Variants in CELF2 observed in about 807,000 individuals in gnomAD.
CELF2 encodes the protein CUG triplet repeat RNA-binding protein 2.
In CELF2, 8 loss-of-function variants were observed where a neutral mutation model predicts 62.6. The observed-to-expected ratio is 0.13, with a 90% CI of 0.07 to 0.23. CELF2 has a LOEUF of 0.23. CELF2 is among the 10% of genes least tolerant of loss of function. CELF2 has a pLI of 1.00. For missense variants in CELF2, 333 were observed against 671.0 expected (o/e 0.50, Z 5.56); for synonymous variants, 258 against 250.0 (o/e 1.03, Z -0.30).
chr10:11,091,030 A>G (rs2048174367), intron 1 of CELF2, among the ~76,000 whole-genome samples: 1 of 152,244 alleles, frequency 6.6e-6, no homozygotes, highest in Non-Finnish European at 1.5e-5. Flanking sequence ...GTTCAAGATC[A>G]TGTGTAGACT....
the CELF2 span, among the ~76,000 whole-genome samples, chr10:10,514,196 A>G: frequency 3.2e-4 from 49 of 152,372 alleles, no homozygotes; most frequent in South Asian, 1.2e-3. Flanking sequence ...CAAACACTGT[A>G]GAATGAGAGA....
the CELF2 span, among the ~76,000 whole-genome samples, chr10:10,687,308 G>A: frequency 6.6e-6 from 1 of 152,186 alleles, no homozygotes; most frequent in Non-Finnish European, 1.5e-5. Context: ...GCTCACTTGA[G>A]AGATGAATTT....
the CELF2 span, among the ~76,000 whole-genome samples, chr10:10,535,257 G>T: frequency 6.6e-6 from 1 of 152,196 alleles, no homozygotes; most frequent in Non-Finnish European, 1.5e-5. Flanking sequence ...CTTGGGAACA[G>T]GATGAACACC....
intron 8 of CELF2, among the ~76,000 whole-genome samples, chr10:11,288,200 T>C (rs1156282908): frequency 6.6e-6 from 1 of 152,206 alleles, no homozygotes; most frequent in East Asian, 1.9e-4. Context: ...TTTCTGGGTA[T>C]GTGGTCTCTA....
intron 1 of CELF2, among the ~76,000 whole-genome samples, chr10:10,909,578 T>C (rs542947983): frequency 4.4e-4 from 67 of 152,328 alleles, no homozygotes; most frequent in Middle Eastern, 3.4e-3. Context: ...GCTTTTGTGT[T>C]TTCATTTCTC....
At chr10:10,850,090 A>G (rs2059289740) in intron 1 of CELF2, among the ~76,000 whole-genome samples, 2 of 152,332 alleles carry the variant, frequency 1.3e-5, no homozygotes, top group Admixed American at 6.5e-5. Flanking sequence ...CGGAGATTGC[A>G]GTGAGCTGAG....
Position 10,996,306 on chromosome 10 carries a change from A to AT in CELF2, c.89+76309dup, listed in dbSNP as rs540235976. On this transcript the variant is annotated intron_variant, in intron 2 of 13. Coordinates refer to the CELF2 transcript ENST00000636488. ...TAGCCCTGTTACTTTTTAGTTATAC[A>AT]TTAGAGGAGATGGTGATGAATAGCA... Among the ~76,000 whole-genome samples, 9 of 152,302 alleles carry AT rather than the reference A, an allele frequency of 5.9e-5. 1 individual carries two copies. In the South Asian group the frequency reaches 1.9e-3, roughly 32 times the overall value.
the CELF2 span, among the ~76,000 whole-genome samples, chr10:10,696,584 G>A: frequency 1.3e-5 from 2 of 151,960 alleles, no homozygotes; most frequent in Admixed American, 6.6e-5. Flanking sequence ...GGGCAATGGC[G>A]GGCGCCCCTC....
rs1353886840 is a variant in CELF2, at chr10:11,012,862, C to A, written c.53+7422C>A. Among the ~76,000 whole-genome samples the A allele has an allele frequency of 1.3e-5, 2 of 152,052 alleles. No individual in the cohort carries two copies. Among genetic ancestry groups the A allele is most frequent in the African/African-American group, 4.8e-5 (2 of 41,384 alleles). ...CGGCATCTTCAAGAGGGCACTGGGA[C>A]ATTTCTTCAAAGGATTTTTTTTTTT... On this transcript the variant is annotated intron_variant, in intron 1 of 12. Transcript: ENST00000416382. The surrounding 1 kb of genome is among the most constrained non-coding windows in gnomAD (Gnocchi z 5.5).
At chr10:11,065,496 G>C (rs991789569) in intron 1 of CELF2, among the ~76,000 whole-genome samples, 2 of 152,186 alleles carry the variant, frequency 1.3e-5, no homozygotes, top group Non-Finnish European at 2.9e-5. Flanking sequence ...GTGATGGTTA[G>C]AGGTTTCTTG....
chr10:11,189,356 C>T (rs1344932355), intron 2 of CELF2, among the ~76,000 whole-genome samples: 1 of 152,184 alleles, frequency 6.6e-6, no homozygotes, highest in Admixed American at 6.5e-5. Flanking sequence ...ATTTATTGTA[C>T]ACAGCAGGTA....
the CELF2 span, among the ~76,000 whole-genome samples, chr10:10,778,318 A>C: frequency 6.6e-6 from 1 of 152,202 alleles, no homozygotes; most frequent in Non-Finnish European, 1.5e-5. Flanking sequence ...GATGTCCAAG[A>C]AAATGCATGC....
At chr10:10,731,208 G>T in the CELF2 span, among the ~76,000 whole-genome samples, 1 of 151,256 alleles carries the variant, frequency 6.6e-6, no homozygotes, top group African/African-American at 2.4e-5. Flanking sequence ...TTCCAAATTG[G>T]ATTTATATGT....
chr10:10,749,624 C>T, the CELF2 span, among the ~76,000 whole-genome samples: 18 of 152,220 alleles, frequency 1.2e-4, no homozygotes, highest in African/African-American at 4.3e-4. Context: ...TATTTAATGG[C>T]ATAAGATACT....
At chr10:11,188,602 G>A (rs2075586753) in intron 2 of CELF2, among the ~76,000 whole-genome samples, 1 of 151,908 alleles carries the variant, frequency 6.6e-6, no homozygotes, top group Admixed American at 6.6e-5. Flanking sequence ...TGATTATGAT[G>A]TGCCTTGGTT....
At chr10:10,488,755 C>T in the CELF2 span, among the ~76,000 whole-genome samples, 1 of 152,062 alleles carries the variant, frequency 6.6e-6, no homozygotes. Context: ...AAACTGATAA[C>T]ATTAATTTGA....
intron 2 of CELF2, among the ~76,000 whole-genome samples, chr10:10,944,979 A>C (rs2047495347): frequency 6.6e-6 from 1 of 152,164 alleles, no homozygotes; most frequent in Non-Finnish European, 1.5e-5. Flanking sequence ...AAGGGGGCAG[A>C]GTCCCTGAGA....
rs1589041874 is a variant in CELF2 at position 11,206,650 on chromosome 10, T to C, written c.272-10775T>C. Reference sequence around the variant, plus strand: ...GAGTTGAGCCAATTAACGTCCACTTTAGGGAAGCCAGACCCTCTAGTTGGC... The same window carrying C: ...GAGTTGAGCCAATTAACGTCCACTTCAGGGAAGCCAGACCCTCTAGTTGGC... On this transcript the variant is annotated intron_variant, in intron 2 of 12. Transcript: ENST00000633077. Among the ~76,000 whole-genome samples the C allele has an allele frequency of 2.0e-5, 3 of 152,332 alleles. No individual in the cohort carries two copies. In the East Asian group the frequency reaches 5.8e-4, roughly 29 times the overall value.
intron 11 of CELF2, among the ~76,000 whole-genome samples, chr10:11,322,826 A>G (rs2095514145): frequency 6.6e-6 from 1 of 152,096 alleles, no homozygotes; most frequent in South Asian, 2.1e-4. Context: ...CAGGCTTGTG[A>G]AAGAGACCCT....
Sources: gnomAD v4.1 joint callset for allele counts (sites outside exome capture counted in the v4.1 genomes callset) on GRCh38, gnomAD v4.1.1 for gene constraint, Gnocchi (gnomAD v3.1) non-coding constraint, MANE v1.5 for transcripts, NCBI Gene and HGNC (gene_info 2026-07-23, HGNC 2026-07-21) for gene names.